The following DNAJB6 variants were observed in gnomAD, a reference collection of about 807,000 sequenced individuals.
The protein encoded by DNAJB6 is dnaJ homolog subfamily B member 6.
Under a neutral mutation model 42.7 loss-of-function variants are expected in DNAJB6, and 16 were observed. The observed-to-expected ratio is 0.37, with a 90% confidence interval of 0.25 to 0.57. The LOEUF is 0.57. DNAJB6 is among the 20% of genes least tolerant of loss of function. The probability of loss-of-function intolerance (pLI) is 0.74; values close to 1 mark genes in which losing one functional copy is unlikely to be tolerated. For synonymous variants in DNAJB6, 170 were observed against 163.5 expected (o/e 1.04, Z -0.30); for missense variants, 347 against 416.8 (o/e 0.83, Z 1.46).
At chr7:157,377,564 C>T (rs1292531726) in intron 5 of DNAJB6, among the ~76,000 whole-genome samples, 1 of 152,098 alleles carries the variant, frequency 6.6e-6, no homozygotes, top group Non-Finnish European at 1.5e-5. Flanking sequence ...GGAAGCTAGC[C>T]AGTAAAATCT....
At position 157,363,217 on chromosome 7, in the gene DNAJB6, A is replaced by G. The variant is rs201730743; in HGVS notation, c.122A>G (p.Glu41Gly). The G allele has an allele frequency of 3.1e-6, 5 of 1,611,928 alleles. No individual in the cohort carries two copies. Among genetic ancestry groups the G allele is most frequent in the Non-Finnish European group, 4.2e-6 (5 of 1,179,236 alleles). The change falls in exon 3 of 10, where the codon GAA becomes GGA. Residue 41 changes from glutamate to glycine, a missense_variant. Around this residue, in one of 3 missense-constraint regions of DNAJB6, gnomAD observed 78 missense variants for 102.1 expected, o/e 0.76. Transcript: ENST00000262177. ...GATAAAAATCCTGAGAATAAAGAAG[A>G]AGCAGAGAGAAAATTCAAGCAAGTA... ...HPDKNPENKE[E>G]AERKFKQVAE...
chr7:157,368,822 A>C (rs147103632), intron 5 of DNAJB6: 2 of 167,768 alleles, frequency 1.2e-5, no homozygotes, highest in Admixed American at 5.7e-5. Context: ...AAGAAACTGA[A>C]CACCACCTGC....
intron 6 of DNAJB6, among the ~76,000 whole-genome samples, chr7:157,383,713 G>A (rs1800909559): frequency 6.6e-6 from 1 of 151,942 alleles, no homozygotes; most frequent in Non-Finnish European, 1.5e-5. Context: ...ACTTAGCGAG[G>A]CTTAATTGAG....
intron 1 of DNAJB6, chr7:157,340,158 A>G (rs1798284894): frequency 1.3e-5 from 2 of 152,272 alleles, no homozygotes; most frequent in South Asian, 4.1e-4. Context: ...CGGGATTTTT[A>G]CTTCTTAGTA....
chr7:157,411,782 G>C (rs1054124317), intron 9 of DNAJB6: 1 of 152,238 alleles, frequency 6.6e-6, no homozygotes, highest in Non-Finnish European at 1.5e-5. Flanking sequence ...GAACTGGGCG[G>C]GTCTTCTCCT....
intron 1 of DNAJB6, among the ~76,000 whole-genome samples, chr7:157,339,598 CTTTTGTGTGTGTGT>C (rs1160310877): frequency 7.5e-6 from 1 of 134,188 alleles, no homozygotes; most frequent in Non-Finnish European, 1.6e-5. Context: ...CGCGCCCGGC[CTTTTGTGTGTGTGT>C]GTGTGTGTGT....
intron 3 of DNAJB6, 33 bp from the exon 4 acceptor site, chr7:157,366,469 C>T (rs774499379): frequency 3.1e-6 from 5 of 1,602,832 alleles, no homozygotes. Context: ...TTAAAAGGAA[C>T]TTGGCCTTAC....
chr7:157,343,727 G>A (rs1464455673), intron 1 of DNAJB6, among the ~76,000 whole-genome samples: 2 of 152,142 alleles, frequency 1.3e-5, no homozygotes, highest in Non-Finnish European at 2.9e-5. Flanking sequence ...GGGATTATAC[G>A]CATGAGCTAC....
chr7:157,340,490 AAC>A (rs1798304266), intron 1 of DNAJB6, among the ~76,000 whole-genome samples: 1 of 152,198 alleles, frequency 6.6e-6, no homozygotes, highest in Non-Finnish European at 1.5e-5. Context: ...GGAATGGAAA[AAC>A]GACAACGCCT....
At chr7:157,337,951 A>C (rs1039709233) in intron 1 of DNAJB6, 3 of 152,204 alleles carry the variant, frequency 2.0e-5, no homozygotes, top group Non-Finnish European at 4.4e-5. Flanking sequence ...GGGGCAGGAA[A>C]CAGCGCAAGT....
chr7:157,365,066 C>T (rs1335821244), intron 3 of DNAJB6, among the ~76,000 whole-genome samples: 2 of 152,220 alleles, frequency 1.3e-5, no homozygotes, highest in Non-Finnish European at 2.9e-5. Flanking sequence ...ATTCTCCCAT[C>T]TCGGCTTCCT....
At chr7:157,394,443 C>T (rs371818262) in intron 8 of DNAJB6, among the ~76,000 whole-genome samples, 1 of 151,602 alleles carries the variant, frequency 6.6e-6, no homozygotes, top group South Asian at 2.1e-4. Context: ...GTGGGTGGAT[C>T]GCTTGAGCCC....
intron 5 of DNAJB6, chr7:157,380,119 T>C (rs548428957): frequency 4.6e-5 from 7 of 152,244 alleles, no homozygotes; most frequent in African/African-American, 1.2e-4. Context: ...CTCCCGGAAA[T>C]GCTTTTTAAC....
At chr7:157,406,509 CAAGT>C (rs1187393714) in intron 8 of DNAJB6, among the ~76,000 whole-genome samples, 1 of 152,196 alleles carries the variant, frequency 6.6e-6, no homozygotes, top group Non-Finnish European at 1.5e-5. Flanking sequence ...GCCTTCCTCC[CAAGT>C]GAGTGGGGGA....
At chr7:157,337,326 CTCTGGGTCAGG>C (rs1022899267) in intron 1 of DNAJB6, among the ~76,000 whole-genome samples, 182 bp downstream of exon 1, 7 of 151,526 alleles carry the variant, frequency 4.6e-5, no homozygotes, top group Admixed American at 2.6e-4. Context: ...GGGCGGGGTC[CTCTGGGTCAGG>C]TCTGGGGCCG....
chr7:157,408,178 T>G (rs542830295), intron 8 of DNAJB6, among the ~76,000 whole-genome samples: 1 of 152,268 alleles, frequency 6.6e-6, no homozygotes, highest in Non-Finnish European at 1.5e-5. Flanking sequence ...TGCAGCCATC[T>G]CAGCAGGGGT....
chr7:157,382,898 A>G (rs940265921), intron 6 of DNAJB6, among the ~76,000 whole-genome samples: 4 of 152,244 alleles, frequency 2.6e-5, no homozygotes, highest in South Asian at 2.1e-4. Flanking sequence ...CTGGAGTAAC[A>G]TGAATATGCA....
rs1176295439 is a variant in DNAJB6, at chr7:157,388,776, TG to T, written c.691+3167del. Among the ~76,000 whole-genome samples the T allele has an allele frequency of 2.6e-5, 4 of 152,174 alleles. No homozygotes were observed. In the East Asian group the frequency reaches 7.7e-4, roughly 29 times the overall value. ...AATCCCTGTTTGGCATCCTTTTGTC[TG>T]GAGGGCTCAATAATCTGTATTTTTG... On this transcript the variant is annotated intron_variant, in intron 8 of 9. Coordinates refer to ENST00000262177, the MANE Select transcript of DNAJB6 (RefSeq NM_058246.4).
intron 1 of DNAJB6, among the ~76,000 whole-genome samples, chr7:157,347,286 TC>T (rs1371756108): frequency 6.6e-6 from 1 of 152,242 alleles, no homozygotes; most frequent in Non-Finnish European, 1.5e-5. Context: ...TGAGAGAATG[TC>T]CCATAGCCTT....
Sources: allele counts gnomAD v4.1 joint callset (sites outside exome capture counted in the v4.1 genomes callset), GRCh38; gene constraint gnomAD v4.1.1; regional missense constraint gnomAD v4.1.1; transcripts MANE v1.5; gene names NCBI Gene and HGNC (gene_info 2026-07-23, HGNC 2026-07-21).